The following SLMAP variants were observed in gnomAD, a reference collection of about 807,000 sequenced individuals.
SLMAP encodes the protein sarcolemma associated protein.
SLMAP carries 44 observed loss-of-function variants against 128.8 expected under a neutral mutation model. The ratio of observed to expected loss-of-function variants is 0.34; its 90% confidence interval spans 0.27 to 0.44. The LOEUF is 0.44. Ranked by LOEUF, SLMAP falls within the 20% of genes least tolerant of loss-of-function variation. SLMAP has a pLI of 1.00. For missense variants in SLMAP, 787 were observed against 985.3 expected (o/e 0.80, Z 2.69); for synonymous variants, 327 against 348.8 (o/e 0.94, Z 0.70).
intron 2 of SLMAP, among the ~76,000 whole-genome samples, chr3:57,779,819 C>G (rs2082646970): frequency 6.6e-6 from 1 of 151,872 alleles, no homozygotes; most frequent in Non-Finnish European, 1.5e-5. Flanking sequence ...AGTGGTAGAC[C>G]TTATCATCAA....
chr3:57,823,169 A>G (rs2153533339), intron 2 of SLMAP, among the ~76,000 whole-genome samples: 1 of 152,306 alleles, frequency 6.6e-6, no homozygotes, highest in Middle Eastern at 3.4e-3. Context: ...CATTGGACTT[A>G]TCAGACAAAA....
chr3:57,802,337 G>A (rs139358665), intron 2 of SLMAP, among the ~76,000 whole-genome samples: 2 of 151,976 alleles, frequency 1.3e-5, no homozygotes, highest in East Asian at 1.9e-4. Context: ...GAGTGCAGTG[G>A]CATGATCTCA....
At chr3:57,894,386 C>T (rs550693269) in intron 15 of SLMAP, among the ~76,000 whole-genome samples, 9 of 152,268 alleles carry the variant, frequency 5.9e-5, no homozygotes, top group African/African-American at 1.7e-4. Flanking sequence ...GAATAGTTTT[C>T]ATTCCATAAT....
At position 57,828,956 on chromosome 3, in the gene SLMAP, A is replaced by AT. The variant is rs539708872; in HGVS notation, c.199-2420dup. Among the ~76,000 whole-genome samples, 59 of 151,698 alleles carry AT rather than the reference A, an allele frequency of 3.9e-4. No homozygotes were observed. In the East Asian group the frequency reaches 0.011, roughly 27 times the overall value. On this transcript the variant is annotated intron_variant, in intron 2 of 24. Transcript: ENST00000671191. Reference sequence around the variant, plus strand: ...CCACCATGCCCAGCTGATTTTTTGTATTTTTTTGTAGGGATGGGGTCTCAC... The same window carrying AT: ...CCACCATGCCCAGCTGATTTTTTGTATTTTTTTTGTAGGGATGGGGTCTCAC...
intron 14 of SLMAP, among the ~76,000 whole-genome samples, chr3:57,874,061 T>G (rs2095546450): frequency 2.6e-5 from 4 of 151,952 alleles, no homozygotes; most frequent in Admixed American, 2.6e-4. Flanking sequence ...AGACGGAGGT[T>G]GCAGCGAGCC....
chr3:57,907,013 T>G (rs2096585652), intron 17 of SLMAP, among the ~76,000 whole-genome samples: 1 of 151,736 alleles, frequency 6.6e-6, no homozygotes, highest in Admixed American at 6.6e-5. Flanking sequence ...TCAGCAGATT[T>G]TTGTTGTTGT....
In SLMAP at chr3:57,897,552, C is replaced by T. The variant is rs187787180; in HGVS notation, c.1501+620C>T. On this transcript the variant is annotated intron_variant, in intron 17 of 24. Transcript: ENST00000671191. ...TCTCTACTAAAAGTACAAGATTAGC[C>T]GGGTGTGGTGGCGCGTGCCTGTAAT... 2.8e-3 allele frequency: 426 copies of T among 152,082 alleles called. 2 individuals are homozygous for T. The highest frequency in any genetic ancestry group is 2.6e-3 in the Non-Finnish European group (178 of 68,042). 9.4% of individuals were successfully genotyped at this position (152,082 alleles called of 1,614,324 possible). A position where few individuals can be genotyped will look rare whatever the true frequency, so the allele number is the denominator to read the frequency against.
chr3:57,799,502 T>C (rs2087659124), intron 2 of SLMAP, among the ~76,000 whole-genome samples: 2 of 152,362 alleles, frequency 1.3e-5, no homozygotes, highest in South Asian at 4.1e-4. Context: ...TCCTGTTAAT[T>C]ACTTAGTATT....
At chr3:57,834,325 A>T (rs2093511624) in intron 3 of SLMAP, among the ~76,000 whole-genome samples, 1 of 152,154 alleles carries the variant, frequency 6.6e-6, no homozygotes, top group African/African-American at 2.4e-5. Flanking sequence ...AAAAGAAAAC[A>T]AACAGTGAAC....
chr3:57,835,296 T>G (rs747624214), intron 3 of SLMAP, among the ~76,000 whole-genome samples: 4 of 151,534 alleles, frequency 2.6e-5, no homozygotes, highest in Non-Finnish European at 5.9e-5. Flanking sequence ...GGCCCCCAAA[T>G]TTTTTTTAAT....
At chr3:57,925,810 C>A in intron 23 of SLMAP, 35 bp from the exon 24 acceptor site, 3 of 1,437,250 alleles carry the variant, frequency 2.1e-6, no homozygotes, top group Non-Finnish European at 2.9e-6. Flanking sequence ...ACTTTCATAG[C>A]ATAAAATGAT....
chr3:57,763,654 A>C (rs1265115865), intron 2 of SLMAP, among the ~76,000 whole-genome samples: 1 of 152,112 alleles, frequency 6.6e-6, no homozygotes, highest in Admixed American at 6.6e-5. Context: ...GAAAATGACA[A>C]ACTGATGAGG....
At chr3:57,907,837 T>C (rs1445770624) in intron 17 of SLMAP, 47 bp from the exon 18 acceptor site, 3 of 1,578,512 alleles carry the variant, frequency 1.9e-6, no homozygotes, top group Non-Finnish European at 1.7e-6. Context: ...TTGTAGATTA[T>C]AGTGTGATAC....
chr3:57,897,864 A>G (rs777943685), intron 17 of SLMAP: 2 of 152,272 alleles, frequency 1.3e-5, no homozygotes, highest in Non-Finnish European at 2.9e-5. Flanking sequence ...TTTTTAAAAT[A>G]AAGTTCCTTG....
intron 2 of SLMAP, among the ~76,000 whole-genome samples, chr3:57,789,288 A>G (rs959962242): frequency 1.2e-4 from 19 of 152,248 alleles, no homozygotes; most frequent in African/African-American, 4.6e-4. Flanking sequence ...GGGCGAGGGT[A>G]GAGAGAGACT....
intron 2 of SLMAP, among the ~76,000 whole-genome samples, chr3:57,768,315 T>C (rs956830804): frequency 6.6e-6 from 1 of 152,234 alleles, no homozygotes; most frequent in Admixed American, 6.5e-5. Context: ...TTTATTTATA[T>C]ATAAGTACTG....
rs143256315 is a variant in SLMAP, at chr3:57,788,335, A to G, written c.198+30486A>G. On this transcript the variant is annotated intron_variant, in intron 2 of 24. Coordinates refer to ENST00000671191, the MANE Select transcript of SLMAP (RefSeq NM_001377540.1). ...ACATGCTTAAATCTTTGTTTTTAGAATAGCAGTCATGGTGATAATGTGGAA... is the reference window on the plus strand; with the variant it reads ...ACATGCTTAAATCTTTGTTTTTAGAGTAGCAGTCATGGTGATAATGTGGAA... Among the ~76,000 whole-genome samples, 208 of 152,304 alleles carry G rather than the reference A, an allele frequency of 1.4e-3. 1 individual carries two copies. Among genetic ancestry groups the G allele is most frequent in the African/African-American group, 4.4e-3 (181 of 41,550 alleles).
intron 14 of SLMAP, among the ~76,000 whole-genome samples, chr3:57,877,975 C>T (rs1024042453): frequency 2.0e-5 from 3 of 151,520 alleles, no homozygotes; most frequent in African/African-American, 7.3e-5. Flanking sequence ...GCTAGGATTA[C>T]AGGCACCCGC....
chr3:57,811,979 C>T (rs551078588), intron 2 of SLMAP, among the ~76,000 whole-genome samples: 2 of 152,242 alleles, frequency 1.3e-5, no homozygotes, highest in South Asian at 4.1e-4. Context: ...ATACCAATCC[C>T]TTATCAAATG....
Sources: gnomAD v4.1 joint callset for allele counts (sites outside exome capture counted in the v4.1 genomes callset) on GRCh38, gnomAD v4.1.1 for gene constraint, MANE v1.5 for transcripts, NCBI Gene and HGNC (gene_info 2026-07-23, HGNC 2026-07-21) for gene names.